RASSF6: variants seen among roughly 807,000 people sequenced by gnomAD.
RASSF6 encodes the protein Ras association domain family member 6.
In RASSF6, 52 loss-of-function variants were observed where a neutral mutation model predicts 44.0. The ratio of observed to expected loss-of-function variants is 1.18; its 90% CI spans 0.95 to 1.49. RASSF6 has a LOEUF of 1.49. Ranked by LOEUF, RASSF6 falls within the 40% of genes most tolerant of loss-of-function variation. The pLI, the probability that RASSF6 is intolerant of heterozygous loss-of-function variation, is 0.00. For missense variants in RASSF6, 464 were observed against 393.3 expected (o/e 1.18, Z -1.52); for synonymous variants, 162 against 124.6 (o/e 1.30, Z -2.00).
intron 6 of RASSF6, among the ~76,000 whole-genome samples, 195 bp from the exon 7 acceptor site, chr4:73,582,485 G>T (rs1164289206): frequency 6.6e-6 from 1 of 151,942 alleles, no homozygotes; most frequent in Admixed American, 6.6e-5. Context: ...ATTGTTTCTA[G>T]AGTAAATTAG....
At position 73,585,198 on chromosome 4, in the gene RASSF6, T is replaced by C. The variant is rs1278213043; in HGVS notation, c.549A>G (p.Gly183=). 2 of 1,605,356 alleles carry C rather than the reference T, an allele frequency of 1.2e-6. No homozygotes were observed. The highest frequency in any genetic ancestry group is 3.4e-5 in the Admixed American group (2 of 58,228). The change falls in exon 6 of 11, where the codon GGA becomes GGG. Residue 183 remains glycine, a synonymous_variant. Coordinates refer to ENST00000307439, the MANE Select transcript of RASSF6 (RefSeq NM_177532.5). Reference sequence around the variant, plus strand: ...CACTTACTTCATGGTTATAGAAGTGTCCATTAATAGAGGCTCTATTTTTCT... The same window carrying C: ...CACTTACTTCATGGTTATAGAAGTGCCCATTAATAGAGGCTCTATTTTTCT... ...ERQKNRASIN[G]HFYNHETSIF...
chr4:73,571,974 G>T lies in RASSF6; in HGVS notation c.*4261C>A, dbSNP rs758299448. 1 of 151,944 alleles carries T rather than the reference G, an allele frequency of 6.6e-6. No homozygotes were observed. The highest frequency in any genetic ancestry group is 1.5e-5 in the Non-Finnish European group (1 of 68,008). The allele number at this position is 151,944 out of a possible 1,614,324, so 9.4% of individuals were successfully genotyped here. A position where few individuals can be genotyped will look rare whatever the true frequency, so the allele number is the denominator to read the frequency against. ...GCTATACATTGCTATGTAACAAATT[G>T]CCCCAAATTTAGCGGCGTACTACAA... On this transcript the variant is annotated 3_prime_UTR_variant, in exon 11 of 11. Transcript: ENST00000307439.
At chr4:73,594,361 T>C (rs1161909448) in intron 3 of RASSF6, among the ~76,000 whole-genome samples, 1 of 152,234 alleles carries the variant, frequency 6.6e-6, no homozygotes, top group Non-Finnish European at 1.5e-5. Flanking sequence ...ATTATTAATA[T>C]TATGAAGAAT....
At chr4:73,616,883 G>A (rs1726397078) in intron 1 of RASSF6, among the ~76,000 whole-genome samples, 1 of 152,128 alleles carries the variant, frequency 6.6e-6, no homozygotes, top group Admixed American at 6.6e-5. Flanking sequence ...CTGGAACCTT[G>A]GAGTAGAGAA....
intron 2 of RASSF6, among the ~76,000 whole-genome samples, chr4:73,610,790 T>C (rs1725955715): frequency 6.6e-6 from 1 of 152,316 alleles, no homozygotes; most frequent in South Asian, 2.1e-4. Flanking sequence ...TCTTATGTAT[T>C]GACTGCATCC....
At chr4:73,597,792 TA>T (rs1213543306) in intron 3 of RASSF6, among the ~76,000 whole-genome samples, 1 of 152,146 alleles carries the variant, frequency 6.6e-6, no homozygotes, top group East Asian at 1.9e-4. Context: ...TATGCAGCCA[TA>T]AAAAAGAACA....
chr4:73,592,192 T>C (rs1724609153), intron 4 of RASSF6, among the ~76,000 whole-genome samples: 1 of 152,120 alleles, frequency 6.6e-6, no homozygotes, highest in Non-Finnish European at 1.5e-5. Context: ...GTAGCATAAT[T>C]TTTGAGAAAT....
At chr4:73,592,941 G>A (rs1724658888) in intron 4 of RASSF6, among the ~76,000 whole-genome samples, 1 of 151,990 alleles carries the variant, frequency 6.6e-6, no homozygotes, top group South Asian at 2.1e-4. Context: ...CTGCCACATC[G>A]TAATTGGGGA....
chr4:73,604,176 G>A (rs1725468651), intron 2 of RASSF6: 1 of 152,170 alleles, frequency 6.6e-6, no homozygotes, highest in Admixed American at 6.5e-5. Flanking sequence ...CAATTAAGCA[G>A]CCACTGAGCT....
At chr4:73,604,924 T>C (rs1049943877) in intron 2 of RASSF6, among the ~76,000 whole-genome samples, 1 of 150,718 alleles carries the variant, frequency 6.6e-6, no homozygotes, top group Non-Finnish European at 1.5e-5. Flanking sequence ...AGTTTCGCTC[T>C]TATTGCCCAG....
intron 1 of RASSF6, chr4:73,615,848 C>T (rs1474568670): frequency 6.6e-7 from 1 of 1,521,562 alleles, no homozygotes; most frequent in Non-Finnish European, 8.9e-7. Flanking sequence ...TCACCTCCCC[C>T]TGCTCTGCAT....
In RASSF6 at chr4:73,597,818, G is replaced by A. The variant is rs149993767; in HGVS notation, c.144+822C>T. On this transcript the variant is annotated intron_variant, in intron 3 of 10. Coordinates refer to ENST00000307439, the MANE Select transcript of RASSF6 (RefSeq NM_177532.5). ...AAAAAAGAACAAGGCCATGTCCTTT[G>A]CAGGGATGGAGCTAGAGGCCATCAT... Among the ~76,000 whole-genome samples the A allele has an allele frequency of 2.4e-4, 36 of 152,306 alleles. 1 individual carries two copies. Among genetic ancestry groups the A allele is most frequent in the African/African-American group, 8.7e-4 (36 of 41,576 alleles).
At chr4:73,611,598 C>G (rs1234948245) in intron 2 of RASSF6, 133 bp downstream of exon 2, 2 of 494,842 alleles carry the variant, frequency 4.0e-6, no homozygotes, top group African/African-American at 3.9e-5. Context: ...TTTCCAACTT[C>G]TTATCTAGTA....
Position 73,581,800 on chromosome 4 carries a change from T to A in RASSF6, c.721+17A>T, listed in dbSNP as rs1329773948. ...GCACTCTAGAGTCAGGTAAAAAGTG[T>A]GATCAAGCTTTCTTACCTCCTGTTG... On this transcript the variant is annotated intron_variant, in intron 8 of 10. Transcript: ENST00000307439. 4 of 1,580,706 alleles carry A rather than the reference T, an allele frequency of 2.5e-6. No homozygotes were observed. The highest frequency in any genetic ancestry group is 3.5e-6 in the Non-Finnish European group (4 of 1,150,116).
chr4:73,573,147 A>G lies in RASSF6; in HGVS notation c.*3088T>C, dbSNP rs1723005612. ...TATTTCCCTCTTTTTTTTTTTTTAG[A>G]GACGGAGTCTTGCTCTGTCGTCCAG... On this transcript the variant is annotated 3_prime_UTR_variant, in exon 11 of 11. Coordinates refer to ENST00000307439, the MANE Select transcript of RASSF6 (RefSeq NM_177532.5). 6.7e-6 allele frequency: 1 copy of G among 150,142 alleles called. No homozygotes were observed. Among genetic ancestry groups the G allele is most frequent in the Non-Finnish European group, 1.5e-5 (1 of 67,718 alleles). The allele number at this position is 150,142 out of a possible 1,614,324, so 9.3% of individuals were successfully genotyped here.
Position 73,593,515 on chromosome 4 carries a change from G to C in RASSF6, c.223C>G (p.Gln75Glu), listed in dbSNP as rs373578071. Reference protein sequence around the residue: ...GVKRPIQLKIQDEKPFSSFTS... With the variant: ...GVKRPIQLKIEDEKPFSSFTS... The stretch of plus-strand genomic sequence containing the variant: ...AAAGAAGAGAATGGCTTCTCATCTT[G>C]TATTTTTAGCTGTATAGGTCGTTTT... The change falls in exon 4 of 11, where the codon CAA becomes GAA. Residue 75 changes from glutamine to glutamate, a missense_variant. Physicochemically the swap from Gln to Glu is conservative, Grantham distance 29. Transcript: ENST00000307439. The C allele has an allele frequency of 1.5e-5, 25 of 1,613,530 alleles. No individual in the cohort carries two copies. The African/African-American group carries it at 3.1e-4, about 20-fold the overall frequency.
chr4:73,596,690 G>A (rs1333385000), intron 3 of RASSF6, among the ~76,000 whole-genome samples: 1 of 152,086 alleles, frequency 6.6e-6, no homozygotes, highest in Non-Finnish European at 1.5e-5. Context: ...AAAGAACAAA[G>A]CTGGAGGCAT....
At chr4:73,616,072 G>A (rs367972566) in intron 1 of RASSF6, 83 of 746,120 alleles carry the variant, frequency 1.1e-4, no homozygotes, top group Admixed American at 1.7e-4. Context: ...AATATTTCAC[G>A]AGTTCCTTCT....
intron 6 of RASSF6, 125 bp from the exon 7 acceptor site, chr4:73,582,415 GTTT>G (rs1723737183): frequency 2.2e-6 from 1 of 448,276 alleles, no homozygotes; most frequent in South Asian, 5.2e-5. Context: ...AATTTGTTTT[GTTT>G]TTGTTTGTTT....
Sources: allele counts gnomAD v4.1 joint callset (sites outside exome capture counted in the v4.1 genomes callset), GRCh38; gene constraint gnomAD v4.1.1; transcripts MANE v1.5; gene names NCBI Gene and HGNC (gene_info 2026-07-23, HGNC 2026-07-21).